The following PCDHA11 variants were observed in gnomAD, a reference collection of about 807,000 sequenced individuals.
The protein encoded by PCDHA11 is protocadherin alpha-11.
Under a neutral mutation model 70.3 loss-of-function variants are expected in PCDHA11, and 61 were observed. That is an observed-to-expected ratio of 0.87 (90% CI 0.71 to 1.07). The LOEUF (loss-of-function observed/expected upper bound fraction) is 1.07. Among genes scored for constraint, PCDHA11 ranks in the 50% least tolerant of loss-of-function variants. The pLI is 0.00. For missense variants in PCDHA11, 1,324 were observed against 1,237.5 expected (o/e 1.07, Z -1.05); for synonymous variants, 633 against 555.1 (o/e 1.14, Z -1.97).
Position 140,870,551 on chromosome 5 carries a change from C to G in PCDHA11, c.1448C>G (p.Ala483Gly), listed in dbSNP as rs1554164401. 6.8e-6 allele frequency: 11 copies of G among 1,614,022 alleles called. No individual in the cohort carries two copies. Among genetic ancestry groups the G allele is most frequent in the African/African-American group, 1.3e-5 (1 of 75,058 alleles). Residue 483 changes from alanine (A) to glycine (G), a missense_variant, in exon 1 of 4, where the codon GCG becomes GGG. Coordinates refer to ENST00000398640, the MANE Select transcript of PCDHA11 (RefSeq NM_018902.5). ...ACAGTGTCGGCGCGGGACGCGGACGCGCAGGAGAACGCGCTGGTGTCCTAC... is the reference window on the plus strand; with the variant it reads ...ACAGTGTCGGCGCGGGACGCGGACGGGCAGGAGAACGCGCTGGTGTCCTAC... ...IFTVSARDAD[A>G]QENALVSYSL...
At chr5:140,990,107 A>C (rs1359747896) in intron 3 of PCDHA11, among the ~76,000 whole-genome samples, 1 of 152,044 alleles carries the variant, frequency 6.6e-6, no homozygotes, top group East Asian at 1.9e-4. Context: ...TGAAACAGGA[A>C]ATTGAGAGCT....
intron 1 of PCDHA11, among the ~76,000 whole-genome samples, chr5:140,934,654 T>G (rs1178051306): frequency 6.6e-6 from 1 of 152,168 alleles, no homozygotes; most frequent in African/African-American, 2.4e-5. Flanking sequence ...AATGTTTGAT[T>G]CTTCCCCTTT....
intron 1 of PCDHA11, among the ~76,000 whole-genome samples, chr5:140,947,922 C>T (rs2094193763): frequency 6.6e-6 from 1 of 151,450 alleles, no homozygotes; most frequent in Admixed American, 6.6e-5. Context: ...TTGCCTTAAC[C>T]CTGATCTTAT....
intron 3 of PCDHA11, among the ~76,000 whole-genome samples, chr5:141,008,708 T>G (rs1197464501): frequency 1.3e-5 from 2 of 152,210 alleles, no homozygotes; most frequent in African/African-American, 4.8e-5. Flanking sequence ...GGTTTCTAGT[T>G]GCTTGAGTGT....
chr5:140,883,171 A>G, intron 1 of PCDHA11: 7 of 1,614,008 alleles, frequency 4.3e-6, no homozygotes, highest in Non-Finnish European at 5.9e-6. Flanking sequence ...ACAATGGAGA[A>G]ATTAGGACAA....
rs11350929 is a variant in PCDHA11, at chr5:140,972,660, ATTT to A, written c.2392-6269_2392-6267del. Among the ~76,000 whole-genome samples, 687 of 117,242 alleles carry A rather than the reference ATTT, an allele frequency of 5.9e-3. 9 individuals carry two copies. Among genetic ancestry groups the A allele is most frequent in the African/African-American group, 0.021 (630 of 30,162 alleles). 76.9% of individuals were successfully genotyped at this position (117,242 alleles called of 152,430 possible). A position where few individuals can be genotyped will look rare whatever the true frequency, so the allele number is the denominator to read the frequency against. On this transcript the variant is annotated intron_variant, in intron 1 of 3. Coordinates refer to ENST00000398640, the MANE Select transcript of PCDHA11 (RefSeq NM_018902.5). ...CAGAGTCTCCATAAAAAGAAACCAAATTTTTTTTTTTTTTTTTTTTTTGAGATG... is the reference window on the plus strand; with the variant it reads ...CAGAGTCTCCATAAAAAGAAACCAAATTTTTTTTTTTTTTTTTTTGAGATG...
chr5:140,950,015 T>C (rs2094440217), intron 1 of PCDHA11, among the ~76,000 whole-genome samples: 1 of 151,906 alleles, frequency 6.6e-6, no homozygotes, highest in Admixed American at 6.6e-5. Context: ...TGTACAACCT[T>C]CATAAAATAT....
At chr5:140,958,078 G>A (rs1447110228) in intron 1 of PCDHA11, among the ~76,000 whole-genome samples, 1 of 152,064 alleles carries the variant, frequency 6.6e-6, no homozygotes, top group Admixed American at 6.6e-5. Flanking sequence ...GAAGCAAAAA[G>A]TAAAGTTGTA....
rs1169981457 is a variant in PCDHA11, at chr5:140,955,139, G to GT, written c.2392-23805dup. ...TTCTGTTCCACTGGTCTACACGTCT[G>GT]TTTTTGTACCAGTACCGTGCTGTTT... On this transcript the variant is annotated intron_variant, in intron 1 of 3. Coordinates refer to ENST00000398640, the MANE Select transcript of PCDHA11 (RefSeq NM_018902.5). Among the ~76,000 whole-genome samples the GT allele has an allele frequency of 2.0e-5, 3 of 152,138 alleles. No homozygotes were observed. The East Asian group carries it at 5.8e-4, about 29-fold the overall frequency.
intron 1 of PCDHA11, chr5:140,877,090 G>C: frequency 2.5e-6 from 4 of 1,613,186 alleles, no homozygotes; most frequent in Non-Finnish European, 3.4e-6. Flanking sequence ...CGCGCGCGAC[G>C]CCGGCGTGCC....
At position 141,010,146 on chromosome 5, in the gene PCDHA11, C is replaced by A. The variant is rs782795358; in HGVS notation, c.*209C>A. 1 of 1,584,410 alleles carries A rather than the reference C, an allele frequency of 6.3e-7. No individual in the cohort carries two copies. Among genetic ancestry groups the A allele is most frequent in the Non-Finnish European group, 8.6e-7 (1 of 1,164,258 alleles). The stretch of plus-strand genomic sequence containing the variant: ...TAAGTCTGGTGTTAACTCTTTCTCT[C>A]CACTCTGGCTTGTTTTCAGAACCTA... On this transcript the variant is annotated 3_prime_UTR_variant, in exon 4 of 4. Transcript: ENST00000398640.
At position 141,011,042 on chromosome 5, in the gene PCDHA11, T is replaced by G. The variant is rs915588789; in HGVS notation, c.*1105T>G. 6.5e-6 allele frequency: 1 copy of G among 153,796 alleles called. No individual in the cohort carries two copies. The highest frequency in any genetic ancestry group is 2.4e-5 in the African/African-American group (1 of 41,464). The allele number at this position is 153,796 out of a possible 1,614,324, so 9.5% of individuals were successfully genotyped here. A position where few individuals can be genotyped will look rare whatever the true frequency, so the allele number is the denominator to read the frequency against. On this transcript the variant is annotated 3_prime_UTR_variant, in exon 4 of 4. Transcript: ENST00000398640. ...TCACAGCTTTACTCTTTCAGGTCACTCTGGGGCTGCCTCTTGCATGTATTA... is the reference window on the plus strand; with the variant it reads ...TCACAGCTTTACTCTTTCAGGTCACGCTGGGGCTGCCTCTTGCATGTATTA...
chr5:140,883,970 C>A (rs1554180846), intron 1 of PCDHA11: 1 of 1,612,990 alleles, frequency 6.2e-7, no homozygotes, highest in South Asian at 1.1e-5. Context: ...GCTGCTGACG[C>A]CCGGGGCTGG....
chr5:140,946,508 G>A (rs1352307719), intron 1 of PCDHA11, among the ~76,000 whole-genome samples: 3 of 151,202 alleles, frequency 2.0e-5, no homozygotes, highest in Non-Finnish European at 3.0e-5. Flanking sequence ...GTATGTCAAA[G>A]ACCTATCCGC....
intron 1 of PCDHA11, among the ~76,000 whole-genome samples, chr5:140,945,934 T>C (rs1161156525): frequency 2.0e-5 from 3 of 152,092 alleles, no homozygotes; most frequent in African/African-American, 4.8e-5. Context: ...TGAGCAATGA[T>C]GTTTTTTATA....
intron 3 of PCDHA11, among the ~76,000 whole-genome samples, chr5:140,993,375 C>T (rs1238667698): frequency 1.3e-5 from 2 of 151,770 alleles, no homozygotes; most frequent in Non-Finnish European, 2.9e-5. Flanking sequence ...ACCTCCCAGC[C>T]GGGTCCCTGA....
At chr5:140,917,357 C>G (rs2078163128) in intron 1 of PCDHA11, among the ~76,000 whole-genome samples, 1 of 146,268 alleles carries the variant, frequency 6.8e-6, no homozygotes, top group African/African-American at 2.5e-5. Context: ...GGCTTCTGTT[C>G]CACTATCTTG....
chr5:140,974,578 C>A (rs1554236214), intron 1 of PCDHA11, among the ~76,000 whole-genome samples: 1 of 152,170 alleles, frequency 6.6e-6, no homozygotes, highest in Non-Finnish European at 1.5e-5. Flanking sequence ...ATGGCATGAT[C>A]TTGGCTCACT....
At chr5:140,886,746 A>C (rs2061113111) in intron 1 of PCDHA11, among the ~76,000 whole-genome samples, 1 of 151,722 alleles carries the variant, frequency 6.6e-6, no homozygotes. Context: ...GAATTGCTTG[A>C]ACCCGGGAGG....
Sources: gnomAD v4.1 joint callset for allele counts (sites outside exome capture counted in the v4.1 genomes callset) on GRCh38, gnomAD v4.1.1 for gene constraint, MANE v1.5 for transcripts, NCBI Gene and HGNC (gene_info 2026-07-23, HGNC 2026-07-21) for gene names.